SPAG16: variants seen among roughly 807,000 people sequenced by gnomAD.
The protein encoded by SPAG16 is sperm associated antigen 16, also known as sperm-associated antigen 16 protein.
SPAG16 carries 86 observed loss-of-function variants against 80.4 expected under a neutral mutation model. The ratio of observed to expected loss-of-function variants is 1.07; its 90% CI spans 0.90 to 1.28. The LOEUF (loss-of-function observed/expected upper bound fraction) is 1.28. SPAG16 is among the 50% of genes most tolerant of loss of function. SPAG16 has a pLI of 0.00. For missense variants in SPAG16, 870 were observed against 765.3 expected, an observed-to-expected ratio of 1.14 and a Z score of -1.61; for synonymous variants, 294 against 265.9, an observed-to-expected ratio of 1.11 and a Z score of -1.03.
At chr2:213,971,393 AC>A (rs1202009438) in intron 12 of SPAG16, among the ~76,000 whole-genome samples, 2 of 152,166 alleles carry the variant, frequency 1.3e-5, no homozygotes, top group Admixed American at 6.5e-5. Flanking sequence ...ACTGAACTAT[AC>A]AAGTTTTTCC....
chr2:213,301,439 C>T (rs1272924886), intron 3 of SPAG16, among the ~76,000 whole-genome samples: 1 of 152,104 alleles, frequency 6.6e-6, no homozygotes, highest in African/African-American at 2.4e-5. Flanking sequence ...CAAAGGAACT[C>T]ACATTAAAAC....
intron 15 of SPAG16, among the ~76,000 whole-genome samples, chr2:214,243,469 T>G (rs961243636): frequency 2.0e-5 from 3 of 152,128 alleles, no homozygotes; most frequent in African/African-American, 7.2e-5. Context: ...CATATGTTAA[T>G]GTAAATCATT....
chr2:214,365,256 G>A (rs1340561046), intron 15 of SPAG16, among the ~76,000 whole-genome samples: 2 of 152,176 alleles, frequency 1.3e-5, no homozygotes, highest in East Asian at 1.9e-4. Context: ...GAATCTGAAC[G>A]TGAATATCAG....
At chr2:214,113,241 G>A (rs185215995) in intron 14 of SPAG16, among the ~76,000 whole-genome samples, 1 of 152,110 alleles carries the variant, frequency 6.6e-6, no homozygotes, top group Non-Finnish European at 1.5e-5. Flanking sequence ...CTCTCTGGCT[G>A]CCCTTAACAT....
At chr2:213,337,224 A>G (rs1436970961) in intron 5 of SPAG16, among the ~76,000 whole-genome samples, 2 of 152,220 alleles carry the variant, frequency 1.3e-5, no homozygotes, top group African/African-American at 2.4e-5. Flanking sequence ...AAGGTCAGCA[A>G]CCTCAAAGAT....
At chr2:213,394,117 T>G (rs2067913160) in intron 9 of SPAG16, among the ~76,000 whole-genome samples, 1 of 152,124 alleles carries the variant, frequency 6.6e-6, no homozygotes, top group Non-Finnish European at 1.5e-5. Flanking sequence ...ATGATAGCAC[T>G]TACTGTCATT....
At chr2:213,885,525 G>A (rs576348692) in intron 11 of SPAG16, among the ~76,000 whole-genome samples, 13 of 152,102 alleles carry the variant, frequency 8.5e-5, no homozygotes, top group African/African-American at 2.9e-4. Context: ...AGTTACAGTT[G>A]GTGTTCTTTT....
At chr2:214,032,043 G>C (rs1181433622) in intron 13 of SPAG16, among the ~76,000 whole-genome samples, 1 of 152,110 alleles carries the variant, frequency 6.6e-6, no homozygotes, top group Non-Finnish European at 1.5e-5. Flanking sequence ...GTTGCTCATA[G>C]TGTTCCCATA....
chr2:213,462,932 T>C (rs2072465081), intron 9 of SPAG16, among the ~76,000 whole-genome samples: 1 of 151,962 alleles, frequency 6.6e-6, no homozygotes, highest in Admixed American at 6.6e-5. Context: ...TAGGCAAAGG[T>C]TGAAACAGTT....
At chr2:214,045,223 C>T (rs774778222) in intron 13 of SPAG16, among the ~76,000 whole-genome samples, 60 of 152,128 alleles carry the variant, frequency 3.9e-4, no homozygotes, top group African/African-American at 1.3e-3. Context: ...GATAGGGCAC[C>T]GTAAGAGTTG....
intron 15 of SPAG16, among the ~76,000 whole-genome samples, chr2:214,151,806 A>G (rs142512026): frequency 8.0e-4 from 122 of 151,708 alleles, no homozygotes; most frequent in Admixed American, 1.2e-3. Context: ...CTCTTGGACT[A>G]TTGAAAACAC....
intron 13 of SPAG16, among the ~76,000 whole-genome samples, chr2:214,040,936 A>G (rs370404705): frequency 6.6e-6 from 1 of 152,018 alleles, no homozygotes; most frequent in East Asian, 1.9e-4. Flanking sequence ...ATTCTTTTCC[A>G]TTATTTTACT....
At chr2:213,683,430 A>T (rs1007353289) in intron 10 of SPAG16, among the ~76,000 whole-genome samples, 17 of 152,130 alleles carry the variant, frequency 1.1e-4, no homozygotes, top group African/African-American at 4.1e-4. Context: ...ATGCTCCTTT[A>T]GTCCCAGCTT....
chr2:213,602,477 C>CA (rs1187047475), intron 10 of SPAG16, among the ~76,000 whole-genome samples: 4 of 151,964 alleles, frequency 2.6e-5, no homozygotes, highest in African/African-American at 9.7e-5. Flanking sequence ...ACAAAAACTA[C>CA]AAAAAAATTA....
At chr2:213,895,897 G>A (rs2076973892) in intron 11 of SPAG16, among the ~76,000 whole-genome samples, 2 of 151,412 alleles carry the variant, frequency 1.3e-5, no homozygotes, top group South Asian at 4.1e-4. Flanking sequence ...TACTGTAAAA[G>A]CACAGGCAAC....
At chr2:213,593,531 T>C (rs917916614) in intron 10 of SPAG16, among the ~76,000 whole-genome samples, 1 of 152,024 alleles carries the variant, frequency 6.6e-6, no homozygotes, top group South Asian at 2.1e-4. Flanking sequence ...GAAATTCAAA[T>C]AATGTGGTTT....
chr2:214,410,431 C>T lies in SPAG16; in HGVS notation c.*116C>T. 1.1e-6 allele frequency: 1 copy of T among 950,748 alleles called. No individual in the cohort carries two copies. Among genetic ancestry groups the T allele is most frequent in the Non-Finnish European group, 1.5e-6 (1 of 646,288 alleles). The allele number at this position is 950,748 out of a possible 1,614,324, so 58.9% of individuals were successfully genotyped here. A position where few individuals can be genotyped will look rare whatever the true frequency, so the allele number is the denominator to read the frequency against. On this transcript the variant is annotated 3_prime_UTR_variant, in exon 16 of 16. Coordinates refer to ENST00000331683, the MANE Select transcript of SPAG16 (RefSeq NM_024532.5). The stretch of plus-strand genomic sequence containing the variant: ...GCCAGCAGGTAACATTTACAGTCTG[C>T]TTTAAAACATGCTTTGGACATATAT...
At chr2:213,669,558 TA>T in intron 10 of SPAG16, among the ~76,000 whole-genome samples, 1 of 152,348 alleles carries the variant, frequency 6.6e-6, no homozygotes, top group Non-Finnish European at 1.5e-5. Context: ...AAGCCTTTTT[TA>T]AAAATTATAA....
At chr2:214,113,117 A>G (rs2053758952) in intron 14 of SPAG16, among the ~76,000 whole-genome samples, 1 of 152,068 alleles carries the variant, frequency 6.6e-6, no homozygotes, top group African/African-American at 2.4e-5. Context: ...TCTGGTTTGC[A>G]AATTCTTAAA....
Sources: allele counts gnomAD v4.1 joint callset (sites outside exome capture counted in the v4.1 genomes callset), GRCh38; gene constraint gnomAD v4.1.1; transcripts MANE v1.5; gene names NCBI Gene and HGNC (gene_info 2026-07-23, HGNC 2026-07-21).